ATF7IP: variants seen among roughly 807,000 people sequenced by gnomAD.
ATF7IP encodes the protein activating transcription factor 7 interacting protein, also known as activating transcription factor 7-interacting protein 1.
Under a neutral mutation model 106.4 loss-of-function variants are expected in ATF7IP, and 23 were observed. The ratio of observed to expected loss-of-function variants is 0.22; its 90% CI spans 0.16 to 0.31. ATF7IP has a LOEUF of 0.31. ATF7IP is among the 10% of genes least tolerant of loss of function. ATF7IP has a pLI of 1.00. For missense variants in ATF7IP, 1,334 were observed against 1,524.3 expected (o/e 0.88, Z 2.08); for synonymous variants, 542 against 539.0 (o/e 1.01, Z -0.08).
chr12:14,393,874 A>C (rs1034002831), intron 1 of ATF7IP, among the ~76,000 whole-genome samples: 6 of 152,284 alleles, frequency 3.9e-5, no homozygotes, highest in East Asian at 1.9e-4. Context: ...AATAAAGAAA[A>C]GGGCCTTGCA....
chr12:14,456,542 AT>A lies in ATF7IP; in HGVS notation c.1996-10del, dbSNP rs201842187. On this transcript the variant is annotated intron_variant, in intron 6 of 14. Coordinates refer to ENST00000261168, the MANE Select transcript of ATF7IP (RefSeq NM_018179.5). Reference sequence around the variant, plus strand: ...TGTGTTGAGTTTTATTTTTACCTTGATTTTTTTTTCTCCCCCAGCATCCACC... The same window carrying A: ...TGTGTTGAGTTTTATTTTTACCTTGATTTTTTTTCTCCCCCAGCATCCACC... The A allele has an allele frequency of 8.1e-5, 127 of 1,574,344 alleles. No individual in the cohort carries two copies. The highest frequency in any genetic ancestry group is 3.3e-4 in the Middle Eastern group (2 of 5,996).
chr12:14,495,991 A>G (rs1033849614), intron 13 of ATF7IP, among the ~76,000 whole-genome samples: 4 of 152,000 alleles, frequency 2.6e-5, no homozygotes, highest in African/African-American at 9.7e-5. Flanking sequence ...TCCATTGACT[A>G]TTTGAGAAAG....
rs1941797936 is a variant in ATF7IP, at chr12:14,425,535, CATT to C, written c.1558+65_1558+67del. 5 of 1,425,790 alleles carry C rather than the reference CATT, an allele frequency of 3.5e-6. No homozygotes were observed. The South Asian group carries it at 4.7e-5, about 13-fold the overall frequency. 88.3% of individuals were successfully genotyped at this position (1,425,790 alleles called of 1,614,324 possible). ...GACTTTGATGAACTGTTTAATAAAA[CATT>C]ATCATAATGTTTTAAATTTATTTTA... On this transcript the variant is annotated intron_variant, in intron 2 of 14. Transcript: ENST00000261168.
At chr12:14,474,378 G>A (rs758492017) in intron 10 of ATF7IP, among the ~76,000 whole-genome samples, 5 of 143,680 alleles carry the variant, frequency 3.5e-5, no homozygotes, top group Non-Finnish European at 7.7e-5. Context: ...TTGTGCATTC[G>A]TTATTATTAT....
chr12:14,458,140 A>G (rs1943502875), intron 8 of ATF7IP, among the ~76,000 whole-genome samples: 1 of 151,956 alleles, frequency 6.6e-6, no homozygotes, highest in Non-Finnish European at 1.5e-5. Context: ...AGATAAAGTA[A>G]TAGTAAACTC....
rs781407028 is a variant in ATF7IP, at chr12:14,460,989, A to T, written c.2653A>T (p.Thr885Ser). ...VPTAHSIVQA[T>S]RTSLPTVGPS... ...AACAGCACACTCTATTGTACAAGCC[A>T]CAAGGACTTCTTTACCCACAGTGGG... The change falls in exon 9 of 15, where the codon ACA (threonine) becomes TCA (serine). Residue 885 changes from threonine (T) to serine (S), a missense_variant. Thr to Ser is a moderately conservative substitution (Grantham distance 58). This residue lies in a region of ATF7IP where 370 missense variants were observed against 401.2 expected (regional missense o/e 0.92). Transcript: ENST00000261168. The T allele has an allele frequency of 8.1e-6, 13 of 1,614,072 alleles. No homozygotes were observed.
intron 6 of ATF7IP, among the ~76,000 whole-genome samples, chr12:14,452,129 A>T (rs1289227980): frequency 6.6e-6 from 1 of 151,960 alleles, no homozygotes; most frequent in Admixed American, 6.6e-5. Flanking sequence ...TTTTGACCTA[A>T]AGTCTATTTT....
At chr12:14,493,561 C>A (rs1944899562) in intron 13 of ATF7IP, among the ~76,000 whole-genome samples, 8 of 152,150 alleles carry the variant, frequency 5.3e-5, no homozygotes, top group Admixed American at 5.2e-4. Context: ...GATGTTGCCA[C>A]TACTGGGGAT....
chr12:14,425,207 A>G lies in ATF7IP; in HGVS notation c.1292A>G (p.Glu431Gly), dbSNP rs1487567011. ...ATCTTAGAAAATACAGACTCTATGGAGACAGATGAAATCATTCCTATTTTG... is the reference window on the plus strand; with the variant it reads ...ATCTTAGAAAATACAGACTCTATGGGGACAGATGAAATCATTCCTATTTTG... ...ENILENTDSM[E>G]TDEIIPILEK... is the part of the protein sequence containing the mutation. Residue 431 changes from glutamate to glycine, a missense_variant, in exon 2 of 15, where the codon GAG (glutamate) becomes GGG (glycine). Transcript: ENST00000261168. The G allele has an allele frequency of 6.3e-7, 1 of 1,595,652 alleles. No homozygotes were observed. Among genetic ancestry groups the G allele is most frequent in the Non-Finnish European group, 8.5e-7 (1 of 1,174,952 alleles).
chr12:14,497,647 T>C lies in ATF7IP; in HGVS notation c.3394-7T>C. 3 of 1,608,366 alleles carry C rather than the reference T, an allele frequency of 1.9e-6. No individual in the cohort carries two copies. Among genetic ancestry groups the C allele is most frequent in the Non-Finnish European group, 2.5e-6 (3 of 1,176,630 alleles). ...TCATCATTAATCAGTGTGACCTGTT[T>C]CTTCAGGAGCCCCCACGCCCCGTGC... is the stretch of plus-strand genomic sequence containing the variant. On this transcript the variant is annotated splice_polypyrimidine_tract_variant and splice_region_variant and intron_variant, in intron 14 of 14. Coordinates refer to ENST00000261168, the MANE Select transcript of ATF7IP (RefSeq NM_018179.5).
intron 1 of ATF7IP, among the ~76,000 whole-genome samples, chr12:14,402,127 C>CTTTTTTTT (rs11297116): frequency 7.9e-5 from 8 of 101,852 alleles, no homozygotes; most frequent in Non-Finnish European, 1.4e-4. Context: ...TTTCTTCTTT[C>CTTTTTTTT]TTTTTTTTTT....
chr12:14,498,246 C>A lies in ATF7IP; in HGVS notation c.*173C>A. On this transcript the variant is annotated 3_prime_UTR_variant, in exon 15 of 15. Coordinates refer to ENST00000261168, the MANE Select transcript of ATF7IP (RefSeq NM_018179.5). ...AGCAAAATAAACTCAGCCCACAAAG[C>A]TAGAATCTTTTCCTGGACAGTTTAG... 2 of 626,210 alleles carry A rather than the reference C, an allele frequency of 3.2e-6. No individual in the cohort carries two copies. Among genetic ancestry groups the A allele is most frequent in the Non-Finnish European group, 5.4e-6 (2 of 372,024 alleles). The allele number at this position is 626,210 out of a possible 1,614,324, so 38.8% of individuals were successfully genotyped here.
chr12:14,486,404 C>G (rs1241790560), intron 13 of ATF7IP, among the ~76,000 whole-genome samples: 1 of 152,094 alleles, frequency 6.6e-6, no homozygotes, highest in Non-Finnish European at 1.5e-5. Flanking sequence ...GAGAAAGATT[C>G]ACTGCGTAAA....
intron 13 of ATF7IP, among the ~76,000 whole-genome samples, chr12:14,486,841 AGATCTGACATACAGAGAC>A (rs1944636436): frequency 6.6e-6 from 1 of 151,918 alleles, no homozygotes; most frequent in African/African-American, 2.4e-5. Flanking sequence ...TCCCACCGTT[AGATCTGACATACAGAGAC>A]GAGCAATTAG....
intron 12 of ATF7IP, 36 bp from the exon 13 acceptor site, chr12:14,480,967 A>G: frequency 6.3e-7 from 1 of 1,590,758 alleles, no homozygotes; most frequent in Non-Finnish European, 8.6e-7. Context: ...CGTAGAATTT[A>G]CTGTATTCTT....
At position 14,498,658 on chromosome 12, in the gene ATF7IP, A is replaced by G. The variant is rs79941046; in HGVS notation, c.*585A>G. Reference sequence around the variant, plus strand: ...GTTAATTAGGTGAAAAAAGATCTGCAATGGCCCCCTCCCTTTCCTAATCTG... The same window carrying G: ...GTTAATTAGGTGAAAAAAGATCTGCGATGGCCCCCTCCCTTTCCTAATCTG... On this transcript the variant is annotated 3_prime_UTR_variant, in exon 15 of 15. Coordinates refer to ENST00000261168, the MANE Select transcript of ATF7IP (RefSeq NM_018179.5). 3,323 of 152,740 alleles carry G rather than the reference A, an allele frequency of 0.022. 82 individuals carry two copies. The highest frequency in any genetic ancestry group is 0.061 in the African/African-American group (2,540 of 41,546). 9.5% of individuals were successfully genotyped at this position (152,740 alleles called of 1,614,324 possible). A position where few individuals can be genotyped will look rare whatever the true frequency, so the allele number is the denominator to read the frequency against.
chr12:14,415,881 A>G (rs1286930740), intron 1 of ATF7IP, among the ~76,000 whole-genome samples: 1 of 152,184 alleles, frequency 6.6e-6, no homozygotes, highest in East Asian at 1.9e-4. Context: ...TGCAAATACT[A>G]CACTACTTTA....
At chr12:14,487,774 C>T (rs978843966) in intron 13 of ATF7IP, among the ~76,000 whole-genome samples, 46 of 152,278 alleles carry the variant, frequency 3.0e-4, no homozygotes, top group Middle Eastern at 3.4e-3. Flanking sequence ...GTATTTGCTT[C>T]AGAAGCCAGG....
chr12:14,484,647 C>CA (rs1944536592), intron 13 of ATF7IP, among the ~76,000 whole-genome samples: 2 of 152,170 alleles, frequency 1.3e-5, no homozygotes, highest in Non-Finnish European at 2.9e-5. Context: ...AGGCCCTAGT[C>CA]ATCTGTTCCG....
Sources: allele counts gnomAD v4.1 joint callset (sites outside exome capture counted in the v4.1 genomes callset), GRCh38; gene constraint gnomAD v4.1.1; regional missense constraint gnomAD v4.1.1; transcripts MANE v1.5; gene names NCBI Gene and HGNC (gene_info 2026-07-23, HGNC 2026-07-21).